ADGRL2: variants seen among roughly 807,000 people sequenced by gnomAD.
The protein encoded by ADGRL2 is calcium-independent alpha-latrotoxin receptor 2.
ADGRL2 carries 44 observed loss-of-function variants against 157.4 expected under a neutral mutation model. The ratio of observed to expected loss-of-function variants is 0.28; its 90% CI spans 0.22 to 0.36. The LOEUF is 0.36. Ranked by LOEUF, ADGRL2 falls within the 10% of genes least tolerant of loss-of-function variation. ADGRL2 has a pLI of 1.00. For synonymous variants in ADGRL2, 585 were observed against 624.7 expected (o/e 0.94, Z 0.95); for missense variants, 1,510 against 1,768.9 (o/e 0.85, Z 2.63).
chr1:81,661,164 TG>T (rs1180439358), intron 3 of ADGRL2, among the ~76,000 whole-genome samples: 1 of 150,224 alleles, frequency 6.7e-6, no homozygotes, highest in Non-Finnish European at 1.5e-5. Context: ...ATATCTTAGG[TG>T]TTTAAAGTAT....
At chr1:81,380,619 A>G (rs1257559874) in intron 1 of ADGRL2, among the ~76,000 whole-genome samples, 1 of 152,168 alleles carries the variant, frequency 6.6e-6, no homozygotes, top group Non-Finnish European at 1.5e-5. Flanking sequence ...TTTTTGACTA[A>G]GCCTTCTCCT....
At chr1:81,821,559 T>G (rs2090990739) in intron 1 of ADGRL2, among the ~76,000 whole-genome samples, 1 of 152,136 alleles carries the variant, frequency 6.6e-6, no homozygotes, top group Non-Finnish European at 1.5e-5. Flanking sequence ...TGTTCTTGCA[T>G]TCACAGCAGA....
intron 2 of ADGRL2, among the ~76,000 whole-genome samples, chr1:81,488,935 A>G (rs1457837809): frequency 2.0e-5 from 3 of 152,098 alleles, no homozygotes; most frequent in Non-Finnish European, 4.4e-5. Flanking sequence ...GGAAATATCA[A>G]TTAAGAGATG....
chr1:81,694,179 T>C (rs2083398020), intron 3 of ADGRL2, among the ~76,000 whole-genome samples: 2 of 152,154 alleles, frequency 1.3e-5, no homozygotes, highest in African/African-American at 4.8e-5. Flanking sequence ...ATAGATCATA[T>C]GAAAAACACT....
intron 2 of ADGRL2, among the ~76,000 whole-genome samples, chr1:81,486,632 C>G (rs1452663190): frequency 6.6e-6 from 1 of 151,906 alleles, no homozygotes; most frequent in Non-Finnish European, 1.5e-5. Context: ...CTGTTTTACT[C>G]CCAGAGTGAA....
In ADGRL2 at chr1:81,943,822, T is replaced by C. The variant is rs956481895; in HGVS notation, c.1210+53T>C. The C allele has an allele frequency of 7.8e-6, 11 of 1,405,830 alleles. No homozygotes were observed. Among genetic ancestry groups the C allele is most frequent in the Middle Eastern group, 1.8e-4 (1 of 5,430 alleles). The allele number at this position is 1,405,830 out of a possible 1,614,324, so 87.1% of individuals were successfully genotyped here. ...TGTCATTTTGTGAAAAGCATTTTTCTTTTTAAAGACTTCTTAATTTTTTTT... is the reference window on the plus strand; with the variant it reads ...TGTCATTTTGTGAAAAGCATTTTTCCTTTTAAAGACTTCTTAATTTTTTTT... On this transcript the variant is annotated intron_variant, in intron 6 of 23. Transcript: ENST00000686636. The surrounding 1 kb of genome is among the most constrained non-coding windows in gnomAD (Gnocchi z 5.6).
intron 2 of ADGRL2, among the ~76,000 whole-genome samples, chr1:81,578,529 C>T (rs189221256): frequency 6.6e-6 from 1 of 152,118 alleles, no homozygotes; most frequent in Non-Finnish European, 1.5e-5. Flanking sequence ...GAATCTGATG[C>T]TTCCACCACC....
intron 2 of ADGRL2, among the ~76,000 whole-genome samples, chr1:81,853,253 A>T (rs1302700578): frequency 6.6e-6 from 1 of 152,162 alleles, no homozygotes; most frequent in Non-Finnish European, 1.5e-5. Flanking sequence ...AGTGCCAGGA[A>T]TAGTTTTATT....
chr1:81,672,023 A>C (rs2082885500), intron 3 of ADGRL2, among the ~76,000 whole-genome samples: 1 of 152,258 alleles, frequency 6.6e-6, no homozygotes, highest in Non-Finnish European at 1.5e-5. Flanking sequence ...TAGCTTTTAG[A>C]GCTATCATTA....
intron 2 of ADGRL2, among the ~76,000 whole-genome samples, chr1:81,499,362 C>T (rs2078795825): frequency 6.6e-6 from 1 of 152,238 alleles, no homozygotes; most frequent in Non-Finnish European, 1.5e-5. Context: ...CACATGTGAT[C>T]ACAGAAGCCT....
At chr1:81,617,093 C>T (rs755647671) in intron 3 of ADGRL2, among the ~76,000 whole-genome samples, 5 of 152,242 alleles carry the variant, frequency 3.3e-5, no homozygotes, top group Non-Finnish European at 7.3e-5. Flanking sequence ...AAGCCACGTA[C>T]TGGTGCTGGT....
At chr1:81,317,894 ATG>A (rs534817390) in intron 1 of ADGRL2, among the ~76,000 whole-genome samples, 43 of 152,214 alleles carry the variant, frequency 2.8e-4, no homozygotes, top group Middle Eastern at 3.4e-3. Flanking sequence ...GTGTATATAG[ATG>A]TGTGTGTGTA....
intron 1 of ADGRL2, among the ~76,000 whole-genome samples, chr1:81,431,703 A>G (rs12410914): frequency 0.31 from 47,137 of 152,126 alleles, 8,156 homozygotes; most frequent in East Asian, 0.77. Flanking sequence ...TTATTTTTCC[A>G]GCACTCAAAT....
chr1:81,698,632 G>T (rs1412569075), upstream of ADGRL2, among the ~76,000 whole-genome samples: 5 of 152,106 alleles, frequency 3.3e-5, no homozygotes, highest in African/African-American at 1.2e-4. Flanking sequence ...TGTCAGTAAG[G>T]AATCAAGGGG....
rs562377665 is a variant in ADGRL2, at chr1:81,375,809, G to T, written c.-301-69227G>T. Among the ~76,000 whole-genome samples the T allele has an allele frequency of 6.8e-4, 104 of 152,132 alleles. 1 individual carries two copies. The highest frequency in any genetic ancestry group is 1.8e-3 in the African/African-American group (75 of 41,510). ...AGATTCAAGCTATAATATAGCAGTG[G>T]CCTCAGGGATAAATTCAGCTATGGT... On this transcript the variant is annotated intron_variant, in intron 1 of 24. Transcript: ENST00000370721.
intron 1 of ADGRL2, among the ~76,000 whole-genome samples, chr1:81,442,827 C>A (rs1202384816): frequency 6.6e-5 from 10 of 152,152 alleles, no homozygotes; most frequent in Non-Finnish European, 1.5e-4. Context: ...ATTTTAAGGC[C>A]AGGTTTCACA....
At chr1:81,590,134 C>T (rs894722412) in intron 3 of ADGRL2, among the ~76,000 whole-genome samples, 11 of 152,172 alleles carry the variant, frequency 7.2e-5, no homozygotes, top group African/African-American at 2.2e-4. Flanking sequence ...GAGTCACACA[C>T]TTACTATAAT....
chr1:81,327,846 T>C (rs1661003333), intron 1 of ADGRL2, among the ~76,000 whole-genome samples: 1 of 152,148 alleles, frequency 6.6e-6, no homozygotes, highest in Non-Finnish European at 1.5e-5. Context: ...AACGTATAGG[T>C]CATCCTGATA....
At chr1:81,698,320 C>T (rs1474280641), upstream of ADGRL2, among the ~76,000 whole-genome samples, 2 of 152,156 alleles carry the variant, frequency 1.3e-5, no homozygotes, top group South Asian at 2.1e-4. Context: ...ATGATTACTG[C>T]TCACATGTAT....
Sources: allele counts gnomAD v4.1 joint callset (sites outside exome capture counted in the v4.1 genomes callset), GRCh38; gene constraint gnomAD v4.1.1; non-coding constraint Gnocchi (gnomAD v3.1); transcripts MANE v1.5; gene names NCBI Gene and HGNC (gene_info 2026-07-23, HGNC 2026-07-21).